KAZN: variants seen among roughly 807,000 people sequenced by gnomAD.
The protein encoded by KAZN is kazrin, periplakin interacting protein.
In KAZN, 40 loss-of-function variants were observed where a neutral mutation model predicts 87.4. The ratio of observed to expected loss-of-function variants is 0.46; its 90% CI spans 0.36 to 0.60. The LOEUF (loss-of-function observed/expected upper bound fraction) is 0.60. Ranked by LOEUF, KAZN falls within the 20% of genes least tolerant of loss-of-function variation. The pLI is 0.00. For synonymous variants in KAZN, 466 were observed against 458.3 expected, an observed-to-expected ratio of 1.02 and a Z score of -0.22; for missense variants, 898 against 1,073.9, an observed-to-expected ratio of 0.84 and a Z score of 2.29.
intron 1 of KAZN, among the ~76,000 whole-genome samples, chr1:14,671,183 G>C (rs1032574029): frequency 6.6e-6 from 1 of 152,166 alleles, no homozygotes; most frequent in Non-Finnish European, 1.5e-5. Context: ...GGTTTATCTA[G>C]GGTCTCCCTT....
intron 2 of KAZN, among the ~76,000 whole-genome samples, chr1:14,460,642 G>A (rs912376862): frequency 6.6e-6 from 1 of 152,114 alleles, no homozygotes; most frequent in African/African-American, 2.4e-5. Flanking sequence ...GTCACTGTCT[G>A]GGATACCCCA....
chr1:15,001,681 G>A (rs899790810), intron 2 of KAZN, among the ~76,000 whole-genome samples: 6 of 151,984 alleles, frequency 3.9e-5, no homozygotes, highest in Admixed American at 1.3e-4. Context: ...GCTTGAACAC[G>A]TGCCTCCTTC....
intron 2 of KAZN, among the ~76,000 whole-genome samples, chr1:14,437,499 C>T (rs1341105705): frequency 2.0e-5 from 3 of 152,206 alleles, no homozygotes; most frequent in Non-Finnish European, 2.9e-5. Flanking sequence ...TTTCTCACCT[C>T]GCCCCTGGCA....
chr1:14,661,236 A>C (rs1156274320), intron 1 of KAZN, among the ~76,000 whole-genome samples: 1 of 152,172 alleles, frequency 6.6e-6, no homozygotes, highest in Non-Finnish European at 1.5e-5. Context: ...AGAGGCAGTG[A>C]ATAAAGGCTA....
intron 1 of KAZN, among the ~76,000 whole-genome samples, chr1:14,717,866 C>T (rs572888254): frequency 3.9e-5 from 6 of 152,294 alleles, no homozygotes; most frequent in Non-Finnish European, 5.9e-5. Flanking sequence ...CACTGCACAC[C>T]GACCCCCACC....
At position 14,473,909 on chromosome 1, in the gene KAZN, T is replaced by G. The variant is rs892758652; in HGVS notation, c.250-125074T>G. Reference sequence around the variant, plus strand: ...TCTCCTCAGCTCAAATGCTGGCACCTCTGAAAGGCTTTCCTTGATCAGGTG... The same window carrying G: ...TCTCCTCAGCTCAAATGCTGGCACCGCTGAAAGGCTTTCCTTGATCAGGTG... On this transcript the variant is annotated intron_variant, in intron 2 of 16. Coordinates refer to the KAZN transcript ENST00000636203. 2.0e-5 allele frequency among the ~76,000 whole-genome samples: 3 copies of G among 152,238 alleles called. No individual in the cohort carries two copies. The South Asian group carries it at 6.2e-4, about 31-fold the overall frequency.
chr1:14,838,303 A>G (rs893013213), intron 1 of KAZN, among the ~76,000 whole-genome samples: 3 of 152,212 alleles, frequency 2.0e-5, no homozygotes, highest in African/African-American at 4.8e-5. Context: ...TATCACATTG[A>G]TAAGTTTCAA....
chr1:14,331,282 C>T (rs1225202907), intron 2 of KAZN, among the ~76,000 whole-genome samples: 3 of 152,092 alleles, frequency 2.0e-5, no homozygotes, highest in African/African-American at 7.2e-5. Flanking sequence ...CATGGATAGC[C>T]CACCCCTAGG....
intron 2 of KAZN, among the ~76,000 whole-genome samples, chr1:14,540,572 TC>T (rs1184394085): frequency 1.2e-4 from 18 of 152,190 alleles, no homozygotes; most frequent in African/African-American, 4.3e-4. Flanking sequence ...TTCTGATTTT[TC>T]AAAAGAGGCC....
intron 2 of KAZN, among the ~76,000 whole-genome samples, chr1:14,296,629 C>CTTTTTT (rs775666706): frequency 1.9e-3 from 154 of 82,702 alleles, no homozygotes; most frequent in Non-Finnish European, 2.6e-3. Flanking sequence ...TTTTGTATTT[C>CTTTTTT]TTTTTTTTTT....
intron 1 of KAZN, among the ~76,000 whole-genome samples, chr1:13,960,042 A>C (rs1641692662): frequency 6.6e-6 from 1 of 151,550 alleles, no homozygotes; most frequent in Non-Finnish European, 1.5e-5. Flanking sequence ...AAACATGTAA[A>C]CCCCACCCCC....
chr1:14,382,458 T>TCCCTCCC (rs554216930), intron 2 of KAZN, among the ~76,000 whole-genome samples: 10,782 of 37,154 alleles, frequency 0.29, 1,788 homozygotes, highest in East Asian at 0.4. Context: ...CCCAATGCTA[T>TCCCTCCC]CCCTCCCCCC....
chr1:15,098,782 G>A (rs1640910087), intron 10 of KAZN, among the ~76,000 whole-genome samples: 1 of 152,258 alleles, frequency 6.6e-6, no homozygotes. Flanking sequence ...CAGCCTCCAG[G>A]TGGACTGGGG....
rs547272954 is a variant in KAZN at position 14,857,528 on chromosome 1, C to T, written c.227-103156C>T. Among the ~76,000 whole-genome samples the T allele has an allele frequency of 1.2e-3, 155 of 130,184 alleles. 1 individual carries two copies. Among genetic ancestry groups the T allele is most frequent in the Non-Finnish European group, 2.1e-3 (130 of 62,010 alleles). The allele number at this position is 130,184 out of a possible 152,430, so 85.4% of individuals were successfully genotyped here. Reference sequence around the variant, plus strand: ...AGCCTAGGTGACAGAGTGAGACACACTCTCACAAATAAATAAATAAATAAA... The same window carrying T: ...AGCCTAGGTGACAGAGTGAGACACATTCTCACAAATAAATAAATAAATAAA... On this transcript the variant is annotated intron_variant, in intron 1 of 14. Transcript: ENST00000376030.
intron 1 of KAZN, among the ~76,000 whole-genome samples, chr1:14,682,168 C>T (rs746005727): frequency 2.0e-5 from 3 of 152,130 alleles, no homozygotes; most frequent in Non-Finnish European, 4.4e-5. Context: ...ATTCTACTCC[C>T]TTTCTCTATG....
rs1570524765 is a variant in KAZN at position 14,013,003 on chromosome 1, A to C, written c.91+119247A>C. 2.0e-5 allele frequency among the ~76,000 whole-genome samples: 3 copies of C among 152,274 alleles called. 1 individual carries two copies. In the South Asian group the frequency reaches 6.2e-4, roughly 32 times the overall value. ...TAGAGACCAGCATCCCTGCCCTGAG[A>C]CACCTCTTAGCGGGTCCTAGACCTG... is the stretch of plus-strand genomic sequence containing the variant. On this transcript the variant is annotated intron_variant, in intron 1 of 16. Coordinates refer to the KAZN transcript ENST00000636203.
chr1:14,591,176 C>T (rs1440953262), intron 2 of KAZN, among the ~76,000 whole-genome samples: 1 of 152,000 alleles, frequency 6.6e-6, no homozygotes, highest in Admixed American at 6.5e-5. Flanking sequence ...ATAGTGCCCC[C>T]CCCCCATGGA....
chr1:14,438,501 G>T (rs756106877), intron 2 of KAZN, among the ~76,000 whole-genome samples: 3 of 152,216 alleles, frequency 2.0e-5, no homozygotes, highest in Admixed American at 6.5e-5. Context: ...AGGTATCTGG[G>T]GGAAGAACAT....
chr1:14,300,750 G>T (rs1012018205), intron 2 of KAZN, among the ~76,000 whole-genome samples: 4 of 152,216 alleles, frequency 2.6e-5, no homozygotes, highest in Non-Finnish European at 5.9e-5. Flanking sequence ...TCAGTCACCA[G>T]ATCTGGCAAC....
Sources: gnomAD v4.1 joint callset for allele counts (sites outside exome capture counted in the v4.1 genomes callset) on GRCh38, gnomAD v4.1.1 for gene constraint, MANE v1.5 for transcripts, NCBI Gene and HGNC (gene_info 2026-07-23, HGNC 2026-07-21) for gene names.